The following AVEN variants were observed in gnomAD, a reference collection of about 807,000 sequenced individuals.
AVEN encodes the protein cell death regulator Aven.
In AVEN, 41 loss-of-function variants were observed where a neutral mutation model predicts 38.1. The observed-to-expected ratio is 1.08, with a 90% CI of 0.84 to 1.40. AVEN has a LOEUF of 1.40. Ranked by LOEUF, AVEN falls within the 40% of genes most tolerant of loss-of-function variation. The pLI is 0.00. For synonymous variants in AVEN, 206 were observed against 171.8 expected (o/e 1.20, Z -1.56); for missense variants, 605 against 438.8 (o/e 1.38, Z -3.38).
At chr15:33,997,039 G>T (rs991755) in intron 2 of AVEN, among the ~76,000 whole-genome samples, 31,772 of 152,102 alleles carry the variant, frequency 0.21, 5,105 homozygotes, top group African/African-American at 0.45. Context: ...GAAAACCATG[G>T]CACAAGAATG....
intron 2 of AVEN, among the ~76,000 whole-genome samples, chr15:33,914,160 A>C (rs201048181): frequency 4.3e-4 from 65 of 150,854 alleles, no homozygotes; most frequent in Non-Finnish European, 8.3e-4. Context: ...ATTTAATATA[A>C]CCCCCCCCCA....
rs535251170 is a variant in AVEN, at chr15:33,960,443, T to A, written c.445+42589A>T. Among the ~76,000 whole-genome samples, 891 of 150,676 alleles carry A rather than the reference T, an allele frequency of 5.9e-3. 6 individuals carry two copies. The highest frequency in any genetic ancestry group is 0.02 in the African/African-American group (840 of 41,152). The stretch of plus-strand genomic sequence containing the variant: ...CTCGTGTGTGTGTGTGTTGTGTGTG[T>A]GAGAGAGAGAGAGAGAGATTTTGTT... On this transcript the variant is annotated intron_variant, in intron 2 of 5. Transcript: ENST00000306730.
At chr15:33,864,941 G>C, downstream of AVEN, 1 of 541,196 alleles carries the variant, frequency 1.8e-6, no homozygotes, top group Non-Finnish European at 3.3e-6. Flanking sequence ...GCCAGCATGT[G>C]TCAGAGAGAC....
intron 1 of AVEN, among the ~76,000 whole-genome samples, chr15:34,006,630 T>C (rs575175772): frequency 6.6e-6 from 1 of 152,346 alleles, no homozygotes; most frequent in Admixed American, 6.5e-5. Context: ...ACCGAATTAA[T>C]GGTCCTGCCA....
intron 2 of AVEN, among the ~76,000 whole-genome samples, chr15:34,067,953 T>C (rs1018589726): frequency 1.3e-5 from 2 of 152,158 alleles, no homozygotes; most frequent in African/African-American, 4.8e-5. Flanking sequence ...GGGAAAAAAG[T>C]TTAATTGTCA....
intron 1 of AVEN, among the ~76,000 whole-genome samples, chr15:34,022,910 G>A (rs908659366): frequency 4.6e-5 from 7 of 152,200 alleles, no homozygotes; most frequent in African/African-American, 1.2e-4. Flanking sequence ...CAATGAGGCC[G>A]GGCGCGGTGG....
chr15:34,062,662 G>A lies in AVEN; in HGVS notation n.1637+260C>T, dbSNP rs1454682258. 18 of 1,524,236 alleles carry A rather than the reference G, an allele frequency of 1.2e-5. No individual in the cohort carries two copies. In the South Asian group the frequency reaches 1.9e-4, roughly 16 times the overall value. 94.4% of individuals were successfully genotyped at this position (1,524,236 alleles called of 1,614,324 possible). Reference sequence around the variant, plus strand: ...TTCCAGATGCTGGCCAAGAAGAGCTGAAATAGAAAACAGCCTAGAACCTAA... The same window carrying A: ...TTCCAGATGCTGGCCAAGAAGAGCTAAAATAGAAAACAGCCTAGAACCTAA... On this transcript the variant is annotated intron_variant and non_coding_transcript_variant, in intron 5 of 11. Coordinates refer to the AVEN transcript ENST00000675287.
intron 2 of AVEN, among the ~76,000 whole-genome samples, chr15:33,961,620 T>C (rs376525554): frequency 0.016 from 2,378 of 151,552 alleles, 60 homozygotes; most frequent in African/African-American, 0.05. Flanking sequence ...GAGACCATTC[T>C]GGCTAACACG....
intron 3 of AVEN, among the ~76,000 whole-genome samples, chr15:33,873,169 G>A (rs888258934): frequency 7.5e-6 from 1 of 132,686 alleles, no homozygotes; most frequent in East Asian, 2.3e-4. Flanking sequence ...GCACGATCTC[G>A]GCTCACTGCA....
intron 2 of AVEN, among the ~76,000 whole-genome samples, chr15:33,893,147 C>G (rs1892058466): frequency 6.6e-6 from 1 of 152,132 alleles, no homozygotes; most frequent in Non-Finnish European, 1.5e-5. Flanking sequence ...TCTAAATATA[C>G]GATCATGTCA....
intron 2 of AVEN, among the ~76,000 whole-genome samples, chr15:33,993,757 A>G (rs913285625): frequency 4.6e-5 from 7 of 152,142 alleles, no homozygotes; most frequent in Admixed American, 1.3e-4. Flanking sequence ...TCCCCACTAG[A>G]GGTGACCGCA....
At chr15:33,882,015 T>C (rs554522973) in intron 2 of AVEN, among the ~76,000 whole-genome samples, 3 of 152,308 alleles carry the variant, frequency 2.0e-5, no homozygotes, top group South Asian at 2.1e-4. Flanking sequence ...GTGAAAGGAA[T>C]AGAACTAGAA....
chr15:33,904,888 G>C (rs150364762), intron 2 of AVEN, among the ~76,000 whole-genome samples: 2,936 of 151,878 alleles, frequency 0.019, 64 homozygotes, highest in African/African-American at 0.06. Context: ...CCAGTACTTT[G>C]GGAGGCCGAG....
intron 4 of AVEN, chr15:34,064,125 A>G (rs770570610): frequency 6.2e-7 from 1 of 1,614,152 alleles, no homozygotes; most frequent in Non-Finnish European, 8.5e-7. Flanking sequence ...CTTCTGTGAC[A>G]AGTGTGTCCC....
At chr15:33,919,731 A>G (rs972075697) in intron 2 of AVEN, among the ~76,000 whole-genome samples, 1 of 152,236 alleles carries the variant, frequency 6.6e-6, no homozygotes, top group African/African-American at 2.4e-5. Context: ...GTGACAATAC[A>G]CACACATTAT....
chr15:33,947,462 A>G (rs554004902), intron 2 of AVEN, among the ~76,000 whole-genome samples: 2 of 152,310 alleles, frequency 1.3e-5, no homozygotes, highest in Admixed American at 1.3e-4. Flanking sequence ...GCGTTTGGGG[A>G]CCACATCCAG....
At chr15:33,921,036 A>C (rs1250085451) in intron 2 of AVEN, among the ~76,000 whole-genome samples, 1 of 152,172 alleles carries the variant, frequency 6.6e-6, no homozygotes, top group African/African-American at 2.4e-5. Context: ...TCAGCCTCCC[A>C]AAGTGCTGGG....
upstream of AVEN, among the ~76,000 whole-genome samples, chr15:34,042,515 C>G (rs1899514793): frequency 6.6e-6 from 1 of 151,560 alleles, no homozygotes; most frequent in African/African-American, 2.4e-5. Context: ...ATTCTCCTGC[C>G]TCAGCTTCCT....
downstream of AVEN, chr15:33,864,329 CAATAAGAAGCCA>C (rs1889660189): frequency 5.1e-5 from 33 of 645,076 alleles, no homozygotes; most frequent in Non-Finnish European, 2.1e-5. Context: ...TTTTGTGACT[CAATAAGAAGCCA>C]AAGTCCTCCT....
Sources: gnomAD v4.1 joint callset for allele counts (sites outside exome capture counted in the v4.1 genomes callset) on GRCh38, gnomAD v4.1.1 for gene constraint, MANE v1.5 for transcripts, NCBI Gene and HGNC (gene_info 2026-07-23, HGNC 2026-07-21) for gene names.